The following FANK1 variants were observed in gnomAD, a reference collection of about 807,000 sequenced individuals.
The protein encoded by FANK1 is fibronectin type III and ankyrin repeat domains 1, also known as fibronectin type 3 and ankyrin repeat domains protein 1.
FANK1 carries 44 observed loss-of-function variants against 45.3 expected under a neutral mutation model. That is an observed-to-expected ratio of 0.97 (90% CI 0.76 to 1.25). The LOEUF (loss-of-function observed/expected upper bound fraction) is 1.25. Ranked by LOEUF, FANK1 falls within the 50% of genes most tolerant of loss-of-function variation. FANK1 has a pLI of 0.00. For missense variants in FANK1, 391 were observed against 424.4 expected (o/e 0.92, Z 0.69); for synonymous variants, 149 against 152.5 (o/e 0.98, Z 0.17).
intron 1 of FANK1, among the ~76,000 whole-genome samples, chr10:125,923,460 CAAAAA>C (rs72485360): frequency 6.9e-6 from 1 of 144,348 alleles, no homozygotes; most frequent in East Asian, 2.1e-4. Flanking sequence ...GACCTTGTCT[CAAAAA>C]AAAAAAATTT....
At chr10:125,964,293 A>G (rs1197449131) in intron 1 of FANK1, among the ~76,000 whole-genome samples, 3 of 148,876 alleles carry the variant, frequency 2.0e-5, no homozygotes, top group Non-Finnish European at 4.4e-5. Flanking sequence ...CCTGGACTCA[A>G]GTGATTCTCC....
chr10:125,991,004 C>T lies in FANK1; in HGVS notation c.316+2329C>T, dbSNP rs372504359. Among the ~76,000 whole-genome samples the T allele has an allele frequency of 5.3e-5, 8 of 152,290 alleles. No individual in the cohort carries two copies. In the East Asian group the frequency reaches 1.5e-3, roughly 29 times the overall value. On this transcript the variant is annotated intron_variant, in intron 3 of 10. Transcript: ENST00000368693. ...CCCCACCCCCATGATTCAGTTACCTCCCACCAGGTCACTCCCATGACACAT... is the reference window on the plus strand; with the variant it reads ...CCCCACCCCCATGATTCAGTTACCTTCCACCAGGTCACTCCCATGACACAT...
Position 125,897,360 on chromosome 10 carries a change from C to T in FANK1, c.13+705C>T, listed in dbSNP as rs1243237947. Among the ~76,000 whole-genome samples the T allele has an allele frequency of 5.3e-5, 8 of 152,014 alleles. No individual in the cohort carries two copies. In the South Asian group the frequency reaches 1.5e-3, roughly 29 times the overall value. ...TATTTTTGTTGTTGTTTTTACCTTT[C>T]CAGGGACTTTGTTTCAAGGCCTTTC... On this transcript the variant is annotated intron_variant, in intron 1 of 10. Transcript: ENST00000368693.
At chr10:125,926,870 A>G (rs112800938) in intron 1 of FANK1, among the ~76,000 whole-genome samples, 33 of 139,546 alleles carry the variant, frequency 2.4e-4, no homozygotes, top group East Asian at 2.0e-3. Context: ...TGTTAGTCTC[A>G]TACTTAATTT....
chr10:125,953,186 T>G (rs1239285431), intron 1 of FANK1, among the ~76,000 whole-genome samples: 3 of 152,182 alleles, frequency 2.0e-5, no homozygotes, highest in Non-Finnish European at 4.4e-5. Flanking sequence ...GAACCCTGCT[T>G]TGAAAACCAC....
rs1358626571 is a variant in FANK1 at position 125,946,312 on chromosome 10, G to GC, written c.14-33848dup. Among the ~76,000 whole-genome samples, 203 of 149,438 alleles carry GC rather than the reference G, an allele frequency of 1.4e-3. 2 individuals are homozygous for GC. Among genetic ancestry groups the GC allele is most frequent in the African/African-American group, 4.7e-3 (193 of 40,960 alleles). ...GCTTCAGACGATCAAATTACTCTGA[G>GC]CTACGGGAGGACATTCAAACCAAAG... On this transcript the variant is annotated intron_variant, in intron 1 of 10. Coordinates refer to ENST00000368693, the MANE Select transcript of FANK1 (RefSeq NM_145235.5).
At chr10:125,998,666 TAACTGGTTATAGAGAA>T (rs1382765406) in intron 6 of FANK1, among the ~76,000 whole-genome samples, 2 of 152,130 alleles carry the variant, frequency 1.3e-5, no homozygotes, top group African/African-American at 4.8e-5. Context: ...AAGAGAAGAA[TAACTGGTTATAGAGAA>T]AATGTAAACA....
At chr10:125,984,050 T>C (rs1951393995) in intron 2 of FANK1, among the ~76,000 whole-genome samples, 1 of 152,086 alleles carries the variant, frequency 6.6e-6, no homozygotes, top group Non-Finnish European at 1.5e-5. Flanking sequence ...ATATGGGATG[T>C]GAGATACGGG....
At chr10:125,928,836 TG>T (rs1390759052) in intron 1 of FANK1, among the ~76,000 whole-genome samples, 14 of 152,244 alleles carry the variant, frequency 9.2e-5, no homozygotes, top group African/African-American at 3.4e-4. Flanking sequence ...ATTACTGATT[TG>T]TAGGAATTCT....
chr10:125,920,886 G>A (rs1489999893), intron 1 of FANK1, among the ~76,000 whole-genome samples: 7 of 152,226 alleles, frequency 4.6e-5, no homozygotes, highest in African/African-American at 7.2e-5. Context: ...CTACTAACTA[G>A]TGTTCTTTTG....
chr10:125,934,724 G>GTTTTTTTTT (rs145182884), intron 1 of FANK1, among the ~76,000 whole-genome samples: 1 of 26,456 alleles, frequency 3.8e-5, no homozygotes. Flanking sequence ...TACCCCTACC[G>GTTTTTTTTT]TTTTTTTTTT....
chr10:125,972,303 G>C (rs1296048625), intron 1 of FANK1: 1 of 152,052 alleles, frequency 6.6e-6, no homozygotes, highest in East Asian at 1.9e-4. Flanking sequence ...CCGGGCCTCT[G>C]CTCCATTGTC....
At chr10:126,006,975 T>C (rs1175280733) in intron 7 of FANK1, 4 of 152,222 alleles carry the variant, frequency 2.6e-5, no homozygotes, top group African/African-American at 9.6e-5. Context: ...TTGGGATAAA[T>C]TCCATCTTTC....
chr10:125,952,758 C>T (rs1384735713), intron 1 of FANK1, among the ~76,000 whole-genome samples: 1 of 151,060 alleles, frequency 6.6e-6, no homozygotes, highest in East Asian at 2.0e-4. Flanking sequence ...CCCTCTGTCT[C>T]CCTTAAGACC....
At chr10:125,949,136 T>C (rs1949023123) in intron 1 of FANK1, among the ~76,000 whole-genome samples, 1 of 152,004 alleles carries the variant, frequency 6.6e-6, no homozygotes. Flanking sequence ...ATAAGAGCTA[T>C]CTATGGCAAA....
chr10:126,005,045 G>A lies in FANK1; in HGVS notation c.701G>A (p.Cys234Tyr). The A allele has an allele frequency of 1.9e-6, 3 of 1,613,256 alleles. No individual in the cohort carries two copies. Among genetic ancestry groups the A allele is most frequent in the Non-Finnish European group, 2.5e-6 (3 of 1,179,606 alleles). Residue 234 changes from cysteine (C) to tyrosine (Y), a missense_variant, in exon 7 of 11, where the codon TGT (cysteine) becomes TAT (tyrosine). Coordinates refer to ENST00000368693, the MANE Select transcript of FANK1 (RefSeq NM_145235.5). Reference sequence around the variant, plus strand: ...ATTGAGTGGATGATAAAGGATGGCTGTGAGGTACGGGACCTGCCTTGTTAA... The same window carrying A: ...ATTGAGTGGATGATAAAGGATGGCTATGAGGTACGGGACCTGCCTTGTTAA... ...SVIEWMIKDG[C>Y]EVDVVDTGSG...
chr10:125,916,873 G>A (rs186736136), intron 1 of FANK1, among the ~76,000 whole-genome samples: 4 of 152,254 alleles, frequency 2.6e-5, no homozygotes, highest in Non-Finnish European at 1.5e-5. Flanking sequence ...AGGTCACAAG[G>A]CCCTTGGGTG....
At chr10:125,944,897 C>T (rs1433740664) in intron 1 of FANK1, among the ~76,000 whole-genome samples, 1 of 152,128 alleles carries the variant, frequency 6.6e-6, no homozygotes, top group East Asian at 1.9e-4. Context: ...CTGAAGGCTG[C>T]GAGACCCCTG....
At chr10:125,911,036 C>CAAAAAAAAA (rs60802998) in intron 1 of FANK1, among the ~76,000 whole-genome samples, 7 of 130,750 alleles carry the variant, frequency 5.4e-5, no homozygotes, top group African/African-American at 1.1e-4. Context: ...TCCGTCTTTC[C>CAAAAAAAAA]AAAAAAAAAA....
Sources: allele counts gnomAD v4.1 joint callset (sites outside exome capture counted in the v4.1 genomes callset), GRCh38; gene constraint gnomAD v4.1.1; transcripts MANE v1.5; gene names NCBI Gene and HGNC (gene_info 2026-07-23, HGNC 2026-07-21).